Variants in SNTB1 observed in about 807,000 individuals in gnomAD.
SNTB1 encodes beta-1-syntrophin.
A neutral mutation model predicts 48.9 loss-of-function variants in SNTB1; 36 were observed. That is an observed-to-expected ratio of 0.74 (90% CI 0.56 to 0.97). The LOEUF is 0.97. Ranked by LOEUF, SNTB1 falls within the 50% of genes least tolerant of loss-of-function variation. The pLI, the probability that SNTB1 is intolerant of heterozygous loss-of-function variation, is 0.00. For synonymous variants in SNTB1, 299 were observed against 294.6 expected (o/e 1.01, Z -0.15); for missense variants, 786 against 703.4 (o/e 1.12, Z -1.33).
intron 1 of SNTB1, among the ~76,000 whole-genome samples, chr8:120,747,684 G>T (rs990850014): frequency 6.6e-6 from 1 of 152,192 alleles, no homozygotes; most frequent in Admixed American, 6.5e-5. Context: ...AGGGTGGAGA[G>T]TGGGAGGAAG....
intron 1 of SNTB1, among the ~76,000 whole-genome samples, chr8:120,758,256 A>G (rs1048108617): frequency 1.2e-4 from 19 of 152,210 alleles, no homozygotes; most frequent in African/African-American, 4.3e-4. Context: ...TTGCTTAAAC[A>G]AATTGATTGT....
At chr8:120,775,929 C>A (rs1326044798) in intron 1 of SNTB1, among the ~76,000 whole-genome samples, 2 of 152,098 alleles carry the variant, frequency 1.3e-5, no homozygotes, top group Non-Finnish European at 2.9e-5. Context: ...TACATGTGCA[C>A]AACGTGCAGG....
At chr8:120,785,581 C>A (rs1005572739) in intron 1 of SNTB1, among the ~76,000 whole-genome samples, 7 of 152,250 alleles carry the variant, frequency 4.6e-5, no homozygotes, top group African/African-American at 7.2e-5. Context: ...GCTGCTTGAG[C>A]CCGCACATGA....
At chr8:120,561,660 T>C (rs1193858314) in intron 4 of SNTB1, among the ~76,000 whole-genome samples, 1 of 152,202 alleles carries the variant, frequency 6.6e-6, no homozygotes, top group Admixed American at 6.6e-5. Context: ...GAATACACAG[T>C]ATAAAAAGAT....
intron 1 of SNTB1, among the ~76,000 whole-genome samples, chr8:120,699,209 C>T (rs1454979046): frequency 6.6e-6 from 1 of 152,246 alleles, no homozygotes; most frequent in Non-Finnish European, 1.5e-5. Flanking sequence ...CACCATCCTT[C>T]TTGCTTTAAG....
At chr8:120,735,364 A>G (rs572713781) in intron 1 of SNTB1, among the ~76,000 whole-genome samples, 1 of 152,302 alleles carries the variant, frequency 6.6e-6, no homozygotes, top group South Asian at 2.1e-4. Flanking sequence ...GCAAGGTGAC[A>G]AGATGTTGTG....
chr8:120,554,791 T>C (rs1431622028), intron 4 of SNTB1, among the ~76,000 whole-genome samples: 1 of 152,084 alleles, frequency 6.6e-6, no homozygotes, highest in Non-Finnish European at 1.5e-5. Context: ...GCCTCATTAA[T>C]CCCTTACACT....
chr8:120,603,283 A>G (rs535858341), intron 3 of SNTB1, among the ~76,000 whole-genome samples: 15 of 152,054 alleles, frequency 9.9e-5, no homozygotes, highest in Non-Finnish European at 1.9e-4. Context: ...TATTTCTGGT[A>G]GAGATGGGGT....
Position 120,682,725 on chromosome 8 carries a change from C to T in SNTB1, c.788+10967G>A, listed in dbSNP as rs377247901. Among the ~76,000 whole-genome samples the T allele has an allele frequency of 9.0e-4, 137 of 151,668 alleles. 1 individual carries two copies. In the Middle Eastern group the frequency reaches 0.024, roughly 27 times the overall value. On this transcript the variant is annotated intron_variant, in intron 2 of 6. Transcript: ENST00000517992. ...GTGGGTGGGTACGTAGGTAGATAGA[C>T]GATAGATAGATAGATAGACAAATAG...
chr8:120,652,743 GATA>G (rs1251382396), intron 2 of SNTB1, among the ~76,000 whole-genome samples: 2 of 152,178 alleles, frequency 1.3e-5, no homozygotes, highest in African/African-American at 4.8e-5. Flanking sequence ...TATCAAATGA[GATA>G]ATAATTATGG....
intron 2 of SNTB1, among the ~76,000 whole-genome samples, chr8:120,678,336 T>C (rs1817872852): frequency 6.6e-6 from 1 of 152,188 alleles, no homozygotes; most frequent in Admixed American, 6.5e-5. Flanking sequence ...GTGCCTTCTC[T>C]AGTCTCCAGT....
At position 120,537,004 on chromosome 8, in the gene SNTB1, T is replaced by C. The variant is rs2130636978; in HGVS notation, c.*1873A>G. 1 of 152,080 alleles carries C rather than the reference T, an allele frequency of 6.6e-6. No individual in the cohort carries two copies. The highest frequency in any genetic ancestry group is 3.4e-3 in the Middle Eastern group (1 of 292). The allele number at this position is 152,080 out of a possible 1,614,324, so 9.4% of individuals were successfully genotyped here. On this transcript the variant is annotated 3_prime_UTR_variant, in exon 7 of 7. Transcript: ENST00000517992. The stretch of plus-strand genomic sequence containing the variant: ...ACATTCCAGTGATTTTGAAAATATA[T>C]AGTGAAAGAGTGCAATATAATTTAC...
chr8:120,780,167 T>C (rs1819810629), intron 1 of SNTB1, among the ~76,000 whole-genome samples: 1 of 151,600 alleles, frequency 6.6e-6, no homozygotes, highest in African/African-American at 2.4e-5. Context: ...AAGAAAGAAT[T>C]TCCAGAAAGA....
chr8:120,584,438 CAAAAAAAAAAA>C (rs11443743), intron 3 of SNTB1, among the ~76,000 whole-genome samples: 1 of 57,072 alleles, frequency 1.8e-5, no homozygotes, highest in Non-Finnish European at 2.9e-5. Flanking sequence ...AACTCCATCT[CAAAAAAAAAAA>C]AAAAAAAAAA....
At chr8:120,550,060 T>C (rs1276320687) in intron 4 of SNTB1, among the ~76,000 whole-genome samples, 1 of 152,180 alleles carries the variant, frequency 6.6e-6, no homozygotes, top group Non-Finnish European at 1.5e-5. Flanking sequence ...ACCTAAATAC[T>C]GTAGGAACAA....
chr8:120,602,589 G>T (rs1475881284), intron 3 of SNTB1, among the ~76,000 whole-genome samples: 1 of 152,086 alleles, frequency 6.6e-6, no homozygotes, highest in Admixed American at 6.5e-5. Flanking sequence ...TTTCAGATTT[G>T]CCAGCCCCTA....
intron 3 of SNTB1, among the ~76,000 whole-genome samples, chr8:120,584,458 AAAAG>A (rs1269226497): frequency 2.7e-4 from 40 of 150,190 alleles, no homozygotes; most frequent in African/African-American, 4.9e-4. Context: ...AAAAAAAAAA[AAAAG>A]TGTAGTAATT....
chr8:120,726,618 T>C (rs887188931), intron 1 of SNTB1, among the ~76,000 whole-genome samples: 2 of 152,192 alleles, frequency 1.3e-5, no homozygotes, highest in Non-Finnish European at 2.9e-5. Context: ...AGTTCTGTTT[T>C]CATGGTACAT....
chr8:120,616,854 GACA>G (rs1816722957), intron 3 of SNTB1, among the ~76,000 whole-genome samples: 1 of 152,186 alleles, frequency 6.6e-6, no homozygotes, highest in African/African-American at 2.4e-5. Flanking sequence ...TTTGCACCAT[GACA>G]ACGAGGAGGT....
Sources: gnomAD v4.1 joint callset for allele counts (sites outside exome capture counted in the v4.1 genomes callset) on GRCh38, gnomAD v4.1.1 for gene constraint, MANE v1.5 for transcripts, NCBI Gene and HGNC (gene_info 2026-07-23, HGNC 2026-07-21) for gene names.